Variants in PCDHGA3 observed in about 807,000 individuals in gnomAD.
The protein encoded by PCDHGA3 is protocadherin gamma subfamily A, 3, also known as protocadherin gamma-A3.
PCDHGA3 carries 40 observed loss-of-function variants against 58.5 expected under a neutral mutation model. The ratio of observed to expected loss-of-function variants is 0.68; its 90% CI spans 0.53 to 0.89. PCDHGA3 has a LOEUF of 0.89. Among genes scored for constraint, PCDHGA3 ranks in the 40% least tolerant of loss-of-function variants. The pLI is 0.00. For synonymous variants in PCDHGA3, 530 were observed against 525.7 expected (o/e 1.01, Z -0.11); for missense variants, 1,223 against 1,195.9 (o/e 1.02, Z -0.33).
chr5:141,360,204 T>G (rs751196822), intron 1 of PCDHGA3: 1 of 1,612,988 alleles, frequency 6.2e-7, no homozygotes, highest in Non-Finnish European at 8.5e-7. Context: ...TCCTGTTGTC[T>G]TTGTTCCCCG....
chr5:141,464,622 CT>C (rs947370342), intron 1 of PCDHGA3, among the ~76,000 whole-genome samples: 8 of 152,058 alleles, frequency 5.3e-5, no homozygotes, highest in African/African-American at 1.9e-4. Flanking sequence ...TATTGTCAAG[CT>C]TTTTAATTGT....
At chr5:141,427,940 C>T (rs1391166364) in intron 1 of PCDHGA3, 1 of 1,585,904 alleles carries the variant, frequency 6.3e-7, no homozygotes. Context: ...TGGTGGGCGA[C>T]CTCAATGACA....
chr5:141,361,065 G>C (rs1438252937), intron 1 of PCDHGA3: 1 of 1,613,774 alleles, frequency 6.2e-7, no homozygotes, highest in East Asian at 2.2e-5. Context: ...TGGATTTTGA[G>C]ATTGCAAGTA....
chr5:141,383,391 G>C, intron 1 of PCDHGA3: 2 of 1,613,978 alleles, frequency 1.2e-6, no homozygotes, highest in Non-Finnish European at 1.7e-6. Flanking sequence ...ATGTGGGCAC[G>C]AACTCCCTCC....
chr5:141,383,795 G>A (rs376874310), intron 1 of PCDHGA3: 12 of 1,613,822 alleles, frequency 7.4e-6, no homozygotes, highest in East Asian at 4.5e-5. Flanking sequence ...TCGCTTACAG[G>A]AGAAATATCA....
In PCDHGA3 at chr5:141,382,780, A is replaced by G. The variant is rs1050419701; in HGVS notation, c.2424+36323A>G. On this transcript the variant is annotated intron_variant, in intron 1 of 3. Coordinates refer to ENST00000253812, the MANE Select transcript of PCDHGA3 (RefSeq NM_018916.4). ...CCCTCTTCCAGGCTGCACTAAACTC[A>G]AGCCTCTATCCTGCTGGATTCTGAG... 10 of 836,240 alleles carry G rather than the reference A, an allele frequency of 1.2e-5. No homozygotes were observed. The South Asian group carries it at 2.0e-4, about 17-fold the overall frequency. 51.8% of individuals were successfully genotyped at this position (836,240 alleles called of 1,614,324 possible). A position where few individuals can be genotyped will look rare whatever the true frequency, so the allele number is the denominator to read the frequency against.
intron 1 of PCDHGA3, among the ~76,000 whole-genome samples, chr5:141,424,923 T>C (rs1428936860): frequency 6.6e-6 from 1 of 152,186 alleles, no homozygotes; most frequent in African/African-American, 2.4e-5. Flanking sequence ...CCATAATCAA[T>C]TCAGTCAACA....
chr5:141,346,794 A>G (rs751972138), intron 1 of PCDHGA3, among the ~76,000 whole-genome samples: 2 of 152,214 alleles, frequency 1.3e-5, no homozygotes, highest in Non-Finnish European at 2.9e-5. Context: ...CTATGATGAG[A>G]GAAACACAAC....
At chr5:141,473,205 A>G (rs370808895) in intron 1 of PCDHGA3, among the ~76,000 whole-genome samples, 1 of 152,036 alleles carries the variant, frequency 6.6e-6, no homozygotes, top group African/African-American at 2.4e-5. Flanking sequence ...CTTCTAAAAA[A>G]TGCTTACTTC....
intron 1 of PCDHGA3, among the ~76,000 whole-genome samples, chr5:141,347,003 T>C (rs1561493047): frequency 6.7e-6 from 1 of 149,260 alleles, no homozygotes; most frequent in Non-Finnish European, 1.5e-5. Flanking sequence ...TCTTTCTCCT[T>C]CCTTCCTTCC....
intron 1 of PCDHGA3, among the ~76,000 whole-genome samples, chr5:141,382,312 C>A (rs1778099412): frequency 6.6e-6 from 1 of 152,130 alleles, no homozygotes; most frequent in Admixed American, 6.5e-5. Flanking sequence ...TTTATATACA[C>A]TGATGTAAAT....
chr5:141,363,318 A>C (rs1762874223), intron 1 of PCDHGA3, among the ~76,000 whole-genome samples: 1 of 152,190 alleles, frequency 6.6e-6, no homozygotes, highest in Admixed American at 6.5e-5. Flanking sequence ...GTTTTCTATG[A>C]AAGTGTTATT....
intron 1 of PCDHGA3, among the ~76,000 whole-genome samples, chr5:141,484,160 T>C (rs1451052819): frequency 2.6e-5 from 4 of 152,210 alleles, no homozygotes; most frequent in African/African-American, 7.2e-5. Flanking sequence ...CACAATGCTG[T>C]TGGTAGCTGA....
At chr5:141,392,584 C>T (rs1252723609) in intron 1 of PCDHGA3, 1 of 473,072 alleles carries the variant, frequency 2.1e-6, no homozygotes, top group African/African-American at 2.0e-5. Context: ...CTGTAAGCGC[C>T]GCTGTTCACC....
At position 141,485,120 on chromosome 5, in the gene PCDHGA3, G is replaced by A. The variant is rs2099607447; in HGVS notation, c.2425-9687G>A. On this transcript the variant is annotated intron_variant, in intron 1 of 3. Coordinates refer to ENST00000253812, the MANE Select transcript of PCDHGA3 (RefSeq NM_018916.4). The surrounding 1 kb of genome is among the most constrained non-coding windows in gnomAD (Gnocchi z 5.7). ...TCCAGCTGCTGTGGCTGTTTGGGGC[G>A]GGTCGGCTTCATCCGCGTCTCAGGA... The A allele has an allele frequency of 1.5e-6, 2 of 1,348,050 alleles. No homozygotes were observed. Among genetic ancestry groups the A allele is most frequent in the Non-Finnish European group, 2.1e-6 (2 of 952,710 alleles). 83.5% of individuals were successfully genotyped at this position (1,348,050 alleles called of 1,614,324 possible).
At chr5:141,352,967 G>T (rs767244188) in intron 1 of PCDHGA3, among the ~76,000 whole-genome samples, 1 of 152,168 alleles carries the variant, frequency 6.6e-6, no homozygotes, top group Non-Finnish European at 1.5e-5. Context: ...CAGCCTGGGT[G>T]ATGGGAGGGA....
intron 1 of PCDHGA3, among the ~76,000 whole-genome samples, chr5:141,347,402 A>G (rs1055327810): frequency 1.3e-5 from 2 of 151,990 alleles, no homozygotes; most frequent in African/African-American, 4.8e-5. Flanking sequence ...TGATCTGCCC[A>G]CGTCAGCCTC....
intron 1 of PCDHGA3, chr5:141,375,835 C>T (rs772317330): frequency 2.5e-5 from 40 of 1,613,984 alleles, no homozygotes; most frequent in Middle Eastern, 1.6e-4. Context: ...CCGCAGAGCC[C>T]GGCTACCTGG....
rs1471863168 is a variant in PCDHGA3, at chr5:141,476,550, G to A, written c.2425-18257G>A. ...ACCCAGGAAATGAAATTGGAGATTA[G>A]CGAGGCCGTGGCTCCGGGGACGCGC... On this transcript the variant is annotated intron_variant, in intron 1 of 3. Transcript: ENST00000253812. The surrounding 1 kb of genome is among the most constrained non-coding windows in gnomAD (Gnocchi z 7.6). 1.2e-6 allele frequency: 2 copies of A among 1,614,110 alleles called. No individual in the cohort carries two copies. The highest frequency in any genetic ancestry group is 4.5e-5 in the East Asian group (2 of 44,884).
Sources: allele counts gnomAD v4.1 joint callset (sites outside exome capture counted in the v4.1 genomes callset), GRCh38; gene constraint gnomAD v4.1.1; non-coding constraint Gnocchi (gnomAD v3.1); transcripts MANE v1.5; gene names NCBI Gene and HGNC (gene_info 2026-07-23, HGNC 2026-07-21).